MCRIP2: variants seen among roughly 807,000 people sequenced by gnomAD.
MCRIP2 encodes the protein MAPK regulated co-repressor interacting protein 2.
MCRIP2 carries 21 observed loss-of-function variants against 23.2 expected under a neutral mutation model. The ratio of observed to expected loss-of-function variants is 0.90; its 90% CI spans 0.64 to 1.30. MCRIP2 has a LOEUF of 1.30. MCRIP2 is among the 50% of genes most tolerant of loss of function. The probability of loss-of-function intolerance (pLI) is 0.00; values close to 1 mark genes in which losing one functional copy is unlikely to be tolerated. For missense variants in MCRIP2, 234 were observed against 223.2 expected (o/e 1.05, Z -0.31); for synonymous variants, 121 against 100.2 (o/e 1.21, Z -1.24).
chr16:643,436 C>T (rs2037400707), intron 2 of MCRIP2, among the ~76,000 whole-genome samples: 1 of 152,070 alleles, frequency 6.6e-6, no homozygotes, highest in Admixed American at 6.5e-5. Flanking sequence ...AAGGCTGTGG[C>T]ACAGTTAGGA....
rs1011554262 is a variant in MCRIP2 at position 641,876 on chromosome 16, G to A, written c.-116G>A. ...AGCCCGTGCGGGCCCTTTAAGGGCCGGGGGCGTGTAGCGGGCCCGCCCCCT... is the reference window on the plus strand; with the variant it reads ...AGCCCGTGCGGGCCCTTTAAGGGCCAGGGGCGTGTAGCGGGCCCGCCCCCT... On this transcript the variant is annotated 5_prime_UTR_variant, in exon 1 of 5. Coordinates refer to ENST00000307650, the MANE Select transcript of MCRIP2 (RefSeq NM_138418.4). 1 of 961,332 alleles carries A rather than the reference G, an allele frequency of 1.0e-6. No homozygotes were observed. Among genetic ancestry groups the A allele is most frequent in the South Asian group, 4.3e-5 (1 of 23,248 alleles). The allele number at this position is 961,332 out of a possible 1,614,324, so 59.6% of individuals were successfully genotyped here.
chr16:643,406 C>T (rs568886875), intron 2 of MCRIP2, among the ~76,000 whole-genome samples: 1 of 152,106 alleles, frequency 6.6e-6, no homozygotes, highest in Admixed American at 6.5e-5. Flanking sequence ...CAAGACCCCA[C>T]TGCTAGGGAG....
At position 646,189 on chromosome 16, in the gene MCRIP2, T is replaced by C. The variant is rs2037477266; in HGVS notation, c.183-1228T>C. On this transcript the variant is annotated intron_variant, in intron 2 of 4. Coordinates refer to ENST00000307650, the MANE Select transcript of MCRIP2 (RefSeq NM_138418.4). The surrounding 1 kb of genome is among the most constrained non-coding windows in gnomAD (Gnocchi z 6.5). ...CCCTTCGATTCACAGCCCCTGGCAA[T>C]GTTCTTGTCTTCTTAGACATTGATA... is the stretch of plus-strand genomic sequence containing the variant. 1 of 152,152 alleles carries C rather than the reference T, an allele frequency of 6.6e-6. No individual in the cohort carries two copies. Among genetic ancestry groups the C allele is most frequent in the Non-Finnish European group, 1.5e-5 (1 of 68,018 alleles). The allele number at this position is 152,152 out of a possible 1,614,324, so 9.4% of individuals were successfully genotyped here.
rs2037363319 is a variant in MCRIP2 at position 642,257 on chromosome 16, G to A, written c.182+8G>A. The A allele has an allele frequency of 2.5e-6, 3 of 1,180,266 alleles. No individual in the cohort carries two copies. 73.1% of individuals were successfully genotyped at this position (1,180,266 alleles called of 1,614,324 possible). A position where few individuals can be genotyped will look rare whatever the true frequency, so the allele number is the denominator to read the frequency against. On this transcript the variant is annotated splice_region_variant and intron_variant, in intron 2 of 4. Transcript: ENST00000307650. ...ACCCTGGCCCCTGTCGAGGTGAGAC[G>A]CGCGCGGCCCCGGCCCGGCCCGGCC...
chr16:643,357 G>A (rs2037397922), intron 2 of MCRIP2, among the ~76,000 whole-genome samples: 1 of 152,044 alleles, frequency 6.6e-6, no homozygotes, highest in Non-Finnish European at 1.5e-5. Context: ...GGGTGACGCC[G>A]TCTCTCTTAA....
intron 2 of MCRIP2, chr16:642,906 A>G (rs2037386650): frequency 6.6e-6 from 1 of 152,486 alleles, no homozygotes. Context: ...CCCTTCATTT[A>G]TCCTGTGCCT....
At position 642,170 on chromosome 16, in the gene MCRIP2, C is replaced by T. The variant is rs764850083; in HGVS notation, c.103C>T (p.Arg35Trp). The change falls in exon 2 of 5, where the codon CGG (arginine) becomes TGG (tryptophan). Residue 35 changes from arginine (R) to tryptophan (W), a missense_variant. By Grantham distance (101) the Arg-to-Trp change is moderately radical. Transcript: ENST00000307650. ...EGRLGELLKC[R>W]QPAPPTSQPP... is the part of the protein sequence containing the mutation. ...CCGGCTCGGCGAGCTCCTGAAATGCCGGCAGCCCGCGCCGCCGACCTCGCA... is the reference window on the plus strand; with the variant it reads ...CCGGCTCGGCGAGCTCCTGAAATGCTGGCAGCCCGCGCCGCCGACCTCGCA... The T allele has an allele frequency of 7.4e-7, 1 of 1,349,566 alleles. No individual in the cohort carries two copies. The allele number at this position is 1,349,566 out of a possible 1,614,324, so 83.6% of individuals were successfully genotyped here.
chr16:641,856 G>A lies in MCRIP2; in HGVS notation c.-136G>A, dbSNP rs1335347211. On this transcript the variant is annotated 5_prime_UTR_variant, in exon 1 of 5. It adds an upstream start codon to the 5' untranslated region. Coordinates refer to ENST00000307650, the MANE Select transcript of MCRIP2 (RefSeq NM_138418.4). ...GCGTGTCCGGGGTCAGCCCGAGCCCGTGCGGGCCCTTTAAGGGCCGGGGGC... is the reference window on the plus strand; with the variant it reads ...GCGTGTCCGGGGTCAGCCCGAGCCCATGCGGGCCCTTTAAGGGCCGGGGGC... 2 of 773,434 alleles carry A rather than the reference G, an allele frequency of 2.6e-6. No homozygotes were observed. The highest frequency in any genetic ancestry group is 4.5e-4 in the Middle Eastern group (1 of 2,234). The allele number at this position is 773,434 out of a possible 1,614,324, so 47.9% of individuals were successfully genotyped here. A position where few individuals can be genotyped will look rare whatever the true frequency, so the allele number is the denominator to read the frequency against.
intron 4 of MCRIP2, 64 bp from the exon 5 acceptor site, chr16:648,056 T>G (rs2037548320): frequency 6.7e-7 from 1 of 1,498,362 alleles, no homozygotes; most frequent in African/African-American, 1.4e-5. Flanking sequence ...TGTGGTTAGC[T>G]CCAGGGGAGA....
Position 642,117 on chromosome 16 carries a change from C to A in MCRIP2, c.53-3C>A. The A allele has an allele frequency of 7.4e-7, 1 of 1,354,086 alleles. No individual in the cohort carries two copies. Among genetic ancestry groups the A allele is most frequent in the Non-Finnish European group, 9.5e-7 (1 of 1,053,586 alleles). 83.9% of individuals were successfully genotyped at this position (1,354,086 alleles called of 1,614,324 possible). A position where few individuals can be genotyped will look rare whatever the true frequency, so the allele number is the denominator to read the frequency against. ...GCGGCTGACCGCCCCCCGGTGCCCG[C>A]AGGTCCCACGCAGCAGCAGGTGGAG... On this transcript the variant is annotated splice_region_variant and splice_polypyrimidine_tract_variant and intron_variant, in intron 1 of 4. Coordinates refer to ENST00000307650, the MANE Select transcript of MCRIP2 (RefSeq NM_138418.4).
rs1327790022 is a variant in MCRIP2, at chr16:642,387, G to T, written c.182+138G>T. On this transcript the variant is annotated intron_variant, in intron 2 of 4. Transcript: ENST00000307650. ...CAGGCGGGGCGGGCGCTCCGGGCGCGGGGGGTGCGCGGGTCCTGCCCACTA... is the reference window on the plus strand; with the variant it reads ...CAGGCGGGGCGGGCGCTCCGGGCGCTGGGGGTGCGCGGGTCCTGCCCACTA... 1.3e-5 allele frequency: 11 copies of T among 866,126 alleles called. No homozygotes were observed. The South Asian group carries it at 2.8e-4, about 22-fold the overall frequency. 53.7% of individuals were successfully genotyped at this position (866,126 alleles called of 1,614,324 possible).
chr16:642,148 G>T lies in MCRIP2; in HGVS notation c.81G>T (p.Arg27=). Residue 27 remains arginine, a synonymous_variant, in exon 2 of 5, where the codon CGG becomes CGT. Transcript: ENST00000307650. ...CCACGCAGCAGCAGGTGGAGGGCCG[G>T]CTCGGCGAGCTCCTGAAATGCCGGC... The part of the protein sequence containing the change: ...TGPTQQQVEG[R]LGELLKCRQP... The T allele has an allele frequency of 7.3e-7, 1 of 1,362,856 alleles. No homozygotes were observed. The highest frequency in any genetic ancestry group is 9.5e-7 in the Non-Finnish European group (1 of 1,054,900). The allele number at this position is 1,362,856 out of a possible 1,614,324, so 84.4% of individuals were successfully genotyped here.
At position 646,658 on chromosome 16, in the gene MCRIP2, G is replaced by A. The variant is rs1039401216; in HGVS notation, c.183-759G>A. 2 of 152,188 alleles carry A rather than the reference G, an allele frequency of 1.3e-5. No homozygotes were observed. Among genetic ancestry groups the A allele is most frequent in the African/African-American group, 4.8e-5 (2 of 41,444 alleles). 9.4% of individuals were successfully genotyped at this position (152,188 alleles called of 1,614,324 possible). ...CCTGTCCCGGGCTTTGTGTGCTCAGGGCTCGGCCAGCTGGGGCCGCTCATC... is the reference window on the plus strand; with the variant it reads ...CCTGTCCCGGGCTTTGTGTGCTCAGAGCTCGGCCAGCTGGGGCCGCTCATC... On this transcript the variant is annotated intron_variant, in intron 2 of 4. Coordinates refer to ENST00000307650, the MANE Select transcript of MCRIP2 (RefSeq NM_138418.4). This position sits in a 1 kb window ranked among gnomAD's most constrained non-coding sequence, Gnocchi z 6.5.
chr16:645,790 G>A (rs2037466183), intron 2 of MCRIP2: 1 of 152,436 alleles, frequency 6.6e-6, no homozygotes, highest in Non-Finnish European at 1.5e-5. Context: ...AGGGCAGGCT[G>A]AGGGGCTGGC....
At position 641,986 on chromosome 16, in the gene MCRIP2, C is replaced by G; in HGVS notation, c.-6C>G. The G allele has an allele frequency of 1.5e-6, 2 of 1,318,042 alleles. No homozygotes were observed. The highest frequency in any genetic ancestry group is 1.9e-6 in the Non-Finnish European group (2 of 1,035,054). 81.6% of individuals were successfully genotyped at this position (1,318,042 alleles called of 1,614,324 possible). A position where few individuals can be genotyped will look rare whatever the true frequency, so the allele number is the denominator to read the frequency against. On this transcript the variant is annotated 5_prime_UTR_variant, in exon 1 of 5. Transcript: ENST00000307650. Reference sequence around the variant, plus strand: ...GGGGCCGGCGGCGGTGTGGGAGCGGCGCGTCATGTACACCATCACCAAGGG... The same window carrying G: ...GGGGCCGGCGGCGGTGTGGGAGCGGGGCGTCATGTACACCATCACCAAGGG...
At position 642,051 on chromosome 16, in the gene MCRIP2, C is replaced by T. The variant is rs1238018190; in HGVS notation, c.52+8C>T. 2 of 1,320,218 alleles carry T rather than the reference C, an allele frequency of 1.5e-6. No homozygotes were observed. The highest frequency in any genetic ancestry group is 1.9e-6 in the Non-Finnish European group (2 of 1,039,010). The allele number at this position is 1,320,218 out of a possible 1,614,324, so 81.8% of individuals were successfully genotyped here. On this transcript the variant is annotated splice_region_variant and intron_variant, in intron 1 of 4. Transcript: ENST00000307650. The stretch of plus-strand genomic sequence containing the variant: ...TCGCGCAGCGCCGCACAGGTGCGCA[C>T]GGGCCGGGGAACGGGAACGGGGACG...
At chr16:644,286 G>A (rs983685985) in intron 2 of MCRIP2, among the ~76,000 whole-genome samples, 2 of 151,974 alleles carry the variant, frequency 1.3e-5, no homozygotes, top group African/African-American at 4.8e-5. Context: ...TCTCCATGTT[G>A]GTCAGGCTGG....
Position 647,512 on chromosome 16 carries a change from C to G in MCRIP2, c.278C>G (p.Ala93Gly). 6.2e-7 allele frequency: 1 copy of G among 1,613,396 alleles called. No homozygotes were observed. Residue 93 changes from alanine to glycine, a missense_variant, in exon 3 of 5, where the codon GCC becomes GGC. By Grantham distance (60) the Ala-to-Gly change is moderately conservative. Transcript: ENST00000307650. ...GGGACCCAGGAGACCTACACAGTGG[C>G]CCACGAGGAGAATGTCCGCTTTGTG... ...FEGTQETYTV[A>G]HEENVRFVSE... is the part of the protein sequence containing the mutation.
chr16:647,796 G>A lies in MCRIP2; in HGVS notation c.324G>A (p.Val108=). 6.4e-7 allele frequency: 1 copy of A among 1,568,038 alleles called. No homozygotes were observed. The highest frequency in any genetic ancestry group is 8.6e-7 in the Non-Finnish European group (1 of 1,157,274). ...CTCCTCCCACAGCCTGGCAGCAGGT[G>A]CAACAGCAGCTGGATGGTGGCCCAG... ...VRFVSEAWQQ[V]QQQLDGGPAG... Residue 108 remains valine (V), a synonymous_variant, in exon 4 of 5, where the codon GTG becomes GTA. Transcript: ENST00000307650.
Sources: allele counts gnomAD v4.1 joint callset (sites outside exome capture counted in the v4.1 genomes callset), GRCh38; gene constraint gnomAD v4.1.1; non-coding constraint Gnocchi (gnomAD v3.1); transcripts MANE v1.5; gene names NCBI Gene and HGNC (gene_info 2026-07-23, HGNC 2026-07-21).